The following MAP1A variants were observed in gnomAD, a reference collection of about 807,000 sequenced individuals.
MAP1A encodes microtubule associated protein 1A.
A neutral mutation model predicts 185.9 loss-of-function variants in MAP1A; 42 were observed. The ratio of observed to expected loss-of-function variants is 0.23; its 90% CI spans 0.18 to 0.29. The LOEUF (loss-of-function observed/expected upper bound fraction) is 0.29, where lower values mean the gene tolerates loss of function less well. MAP1A is among the 10% of genes least tolerant of loss of function. The probability of loss-of-function intolerance (pLI) is 1.00; values close to 1 mark genes in which losing one functional copy is unlikely to be tolerated. For synonymous variants in MAP1A, 1,229 were observed against 1,335.9 expected, an observed-to-expected ratio of 0.92 and a Z score of 1.74; for missense variants, 2,995 against 3,450.4, an observed-to-expected ratio of 0.87 and a Z score of 3.31.
rs1274924439 is a variant in MAP1A, at chr15:43,529,206, G to A, written c.7733G>A (p.Cys2578Tyr). The change falls in exon 4 of 6, where the codon TGC becomes TAC. Residue 2578 changes from cysteine (C) to tyrosine (Y), a missense_variant. Around this residue, in one of 3 missense-constraint regions of MAP1A, gnomAD observed 2,728 missense variants for 2,986.0 expected, o/e 0.91. Coordinates refer to ENST00000300231, the MANE Select transcript of MAP1A (RefSeq NM_002373.6). The surrounding 1 kb of genome is among the most constrained non-coding windows in gnomAD (Gnocchi z 4.3). The stretch of plus-strand genomic sequence containing the variant: ...CCATCCCCTCCCCGCCCTGATGTGT[G>A]CATGGCTGACCCCGAGGGGCTCAGC... Reference protein sequence around the residue: ...PRPSPPRPDVCMADPEGLSSE... With the variant: ...PRPSPPRPDVYMADPEGLSSE... 3 of 1,608,372 alleles carry A rather than the reference G, an allele frequency of 1.9e-6. No individual in the cohort carries two copies. In the East Asian group the frequency reaches 6.7e-5, roughly 36 times the overall value.
chr15:43,527,003 C>A lies in MAP1A; in HGVS notation c.5530C>A (p.Pro1844Thr). The A allele has an allele frequency of 6.2e-7, 1 of 1,611,820 alleles. No homozygotes were observed. Among genetic ancestry groups the A allele is most frequent in the Non-Finnish European group, 8.5e-7 (1 of 1,178,846 alleles). ...TTPSWLADIP[P>T]WVPKDRPLPP... Reference sequence around the variant, plus strand: ...TCCCTCATGGCTGGCTGACATCCCACCCTGGGTGCCCAAGGACAGACCCCT... The same window carrying A: ...TCCCTCATGGCTGGCTGACATCCCAACCTGGGTGCCCAAGGACAGACCCCT... The change falls in exon 4 of 6, where the codon CCC (proline) becomes ACC (threonine). Residue 1844 changes from proline to threonine, a missense_variant. Transcript: ENST00000300231.
upstream of MAP1A, chr15:43,510,956 A>T: frequency 7.0e-7 from 1 of 1,438,692 alleles, no homozygotes; most frequent in Non-Finnish European, 9.4e-7. Flanking sequence ...CCTGCAGCGG[A>T]AGCTGCCGGA....
rs759664046 is a variant in MAP1A, at chr15:43,528,175, A to G, written c.6702A>G (p.Pro2234=). ...PSLDSSLPQL[P]SPSSPGAPLL... is the part of the protein sequence containing the mutation. ...TGGATTCCTCACTGCCCCAGCTCCC[A>G]TCACCCAGTTCTCCTGGGGCCCCTC... Residue 2234 remains proline, a synonymous_variant, in exon 4 of 6, where the codon CCA becomes CCG. Transcript: ENST00000300231. The G allele has an allele frequency of 1.1e-5, 18 of 1,613,736 alleles. No individual in the cohort carries two copies. The highest frequency in any genetic ancestry group is 1.5e-5 in the Non-Finnish European group (18 of 1,179,954).
At chr15:43,517,925 C>T (rs2079304313) in intron 1 of MAP1A, among the ~76,000 whole-genome samples, 1 of 152,192 alleles carries the variant, frequency 6.6e-6, no homozygotes, top group South Asian at 2.1e-4. Context: ...TCCACCTCTC[C>T]AGCTGGGCGG....
intron 1 of MAP1A, among the ~76,000 whole-genome samples, chr15:43,518,997 GT>G (rs2140203473): frequency 6.6e-6 from 1 of 152,286 alleles, no homozygotes; most frequent in South Asian, 2.1e-4. Context: ...GTGAGGAATG[GT>G]TGGGGGCAGG....
Position 43,529,881 on chromosome 15 carries a change from A to G in MAP1A, c.8256+11A>G, listed in dbSNP as rs1595651988. 1.2e-6 allele frequency: 2 copies of G among 1,610,868 alleles called. No homozygotes were observed. Among genetic ancestry groups the G allele is most frequent in the Non-Finnish European group, 1.7e-6 (2 of 1,178,892 alleles). On this transcript the variant is annotated intron_variant, in intron 5 of 5. Transcript: ENST00000300231. This position sits in a 1 kb window ranked among gnomAD's most constrained non-coding sequence, Gnocchi z 4.3. The stretch of plus-strand genomic sequence containing the variant: ...GGGGAGAATCTTCAGGTGAGTAGCA[A>G]AGGACACCAAGGAAGTAGTCTGGTC...
chr15:43,528,634 C>G lies in MAP1A; in HGVS notation c.7161C>G (p.Ala2387=), dbSNP rs1410342995. The part of the protein sequence containing the change: ...AENEEAAACP[A]WERGAWPEGA... ...ATGAAGAGGCTGCGGCTTGCCCTGC[C>G]TGGGAACGTGGGGCCTGGCCTGAAG... Residue 2387 remains alanine (A), a synonymous_variant, in exon 4 of 6, where the codon GCC becomes GCG. Transcript: ENST00000300231. 1.2e-6 allele frequency: 2 copies of G among 1,613,306 alleles called. No individual in the cohort carries two copies. The highest frequency in any genetic ancestry group is 2.7e-5 in the African/African-American group (2 of 74,952).
rs1381689564 is a variant in MAP1A at position 43,527,792 on chromosome 15, G to A, written c.6319G>A (p.Asp2107Asn). The change falls in exon 4 of 6, where the codon GAC (aspartate) becomes AAC (asparagine). Residue 2107 changes from aspartate to asparagine, a missense_variant. Asp to Asn is a conservative substitution (Grantham distance 23). This residue lies in a region of MAP1A where 2,728 missense variants were observed against 2,986.0 expected (regional missense o/e 0.91). Transcript: ENST00000300231. ...GRSHWDDSTS[D>N]SELEKGAREQ... is the part of the protein sequence containing the mutation. ...GAGTCACTGGGATGACAGCACTAGTGACTCAGAACTGGAGAAGGGGGCTCG... is the reference window on the plus strand; with the variant it reads ...GAGTCACTGGGATGACAGCACTAGTAACTCAGAACTGGAGAAGGGGGCTCG... 1 of 1,613,782 alleles carries A rather than the reference G, an allele frequency of 6.2e-7. No individual in the cohort carries two copies. Among genetic ancestry groups the A allele is most frequent in the Admixed American group, 1.7e-5 (1 of 59,976 alleles).
chr15:43,526,845 C>G lies in MAP1A; in HGVS notation c.5372C>G (p.Ser1791Cys). 6.2e-7 allele frequency: 1 copy of G among 1,614,168 alleles called. No homozygotes were observed. The highest frequency in any genetic ancestry group is 1.7e-5 in the Admixed American group (1 of 60,020). ...GAGGAAGAGGACAAACTGACCCGCTCTCCCTTTGAGATCATCTCCCCTCCA... is the reference window on the plus strand; with the variant it reads ...GAGGAAGAGGACAAACTGACCCGCTGTCCCTTTGAGATCATCTCCCCTCCA... Reference protein sequence around the residue: ...PPEEEDKLTRSPFEIISPPAS... With the variant: ...PPEEEDKLTRCPFEIISPPAS... Residue 1791 changes from serine to cysteine, a missense_variant, in exon 4 of 6, where the codon TCT becomes TGT. Physicochemically the swap from Ser to Cys is moderately radical, Grantham distance 112 (BLOSUM62 -1). Transcript: ENST00000300231. The surrounding 1 kb of genome is among the most constrained non-coding windows in gnomAD (Gnocchi z 4.7).
At position 43,526,496 on chromosome 15, in the gene MAP1A, TCTC is replaced by T. The variant is rs1173106256; in HGVS notation, c.5026_5028del (p.Pro1676del). 4 of 1,613,800 alleles carry T rather than the reference TCTC, an allele frequency of 2.5e-6. No individual in the cohort carries two copies. The highest frequency in any genetic ancestry group is 2.5e-6 in the Non-Finnish European group (3 of 1,179,982). On this transcript the variant is annotated inframe_deletion, in exon 4 of 6. Transcript: ENST00000300231. The surrounding 1 kb of genome is among the most constrained non-coding windows in gnomAD (Gnocchi z 4.7). ...GCTTGCCCCGGCATGGGAGGACACA[TCTC>T]CTGAGCAGGACAATAGGTATTGGAG...
chr15:43,513,961 G>T (rs2079290414), upstream of MAP1A, among the ~76,000 whole-genome samples: 1 of 152,228 alleles, frequency 6.6e-6, no homozygotes. Flanking sequence ...TGGCTACAGA[G>T]ACTTGAGAGT....
At position 43,528,071 on chromosome 15, in the gene MAP1A, C is replaced by A; in HGVS notation, c.6598C>A (p.Arg2200=). 2 of 1,613,966 alleles carry A rather than the reference C, an allele frequency of 1.2e-6. No individual in the cohort carries two copies. Among genetic ancestry groups the A allele is most frequent in the Non-Finnish European group, 1.7e-6 (2 of 1,180,020 alleles). Residue 2200 remains arginine (R), a synonymous_variant, in exon 4 of 6, where the codon CGA becomes AGA. Transcript: ENST00000300231. ...PCGSLAFSGD[R]ALALAPGPPT... is the part of the protein sequence containing the mutation. Reference sequence around the variant, plus strand: ...TGGCTCCCTTGCCTTCTCTGGGGATCGAGCTCTGGCTCTGGCTCCAGGACC... The same window carrying A: ...TGGCTCCCTTGCCTTCTCTGGGGATAGAGCTCTGGCTCTGGCTCCAGGACC...
At chr15:43,512,383 A>C in intron 2 of MAP1A, 1 of 870,958 alleles carries the variant, frequency 1.1e-6, no homozygotes. Context: ...GGGAGGTTTG[A>C]GTGGAGGAGA....
chr15:43,512,120 G>T, intron 1 of MAP1A: 1 of 831,160 alleles, frequency 1.2e-6, no homozygotes, highest in East Asian at 2.7e-5. Context: ...GAACTTGAAA[G>T]TGTTCCTGCA....
In MAP1A at chr15:43,521,587, T is replaced by G. The variant is rs1566976975; in HGVS notation, c.114T>G (p.Pro38=). ...TSGGFLKLSK[P]CCYIFPGGRG... ...GGGGCTTCCTCAAGCTCTCCAAGCC[T>G]TGTTGCTACATCTTCCCAGGTGGTC... is the stretch of plus-strand genomic sequence containing the variant. Residue 38 remains proline (P), a synonymous_variant, in exon 4 of 6, where the codon CCT becomes CCG. Transcript: ENST00000300231. The surrounding 1 kb of genome is among the most constrained non-coding windows in gnomAD (Gnocchi z 4.6). The G allele has an allele frequency of 2.5e-6, 4 of 1,614,164 alleles. No individual in the cohort carries two copies. The highest frequency in any genetic ancestry group is 3.4e-6 in the Non-Finnish European group (4 of 1,180,038).
In MAP1A at chr15:43,520,985, T is replaced by C; in HGVS notation, c.-278T>C. On this transcript the variant is annotated 5_prime_UTR_variant, in exon 3 of 6. Transcript: ENST00000300231. ...CTTCCATTCCAGGTTCATCATCTTC[T>C]TAGCAGCTCATCAGCTTATAAACTA... The C allele has an allele frequency of 1.3e-6, 2 of 1,550,262 alleles. No homozygotes were observed. Among genetic ancestry groups the C allele is most frequent in the East Asian group, 2.4e-5 (1 of 40,926 alleles).
In MAP1A at chr15:43,525,652, T is replaced by A. The variant is rs1167759340; in HGVS notation, c.4179T>A (p.Ala1393=). ...CAGCCATCTATCAGAAAGATGAGGC[T>A]CTGCATGTAAAGAATGAGGCTGTGA... ...KDTAIYQKDE[A]LHVKNEAVKQ... The change falls in exon 4 of 6, where the codon GCT becomes GCA. Residue 1393 remains alanine, a synonymous_variant. Coordinates refer to ENST00000300231, the MANE Select transcript of MAP1A (RefSeq NM_002373.6). 1 of 1,614,080 alleles carries A rather than the reference T, an allele frequency of 6.2e-7. No homozygotes were observed. Among genetic ancestry groups the A allele is most frequent in the Admixed American group, 1.7e-5 (1 of 59,974 alleles).
At position 43,521,479 on chromosome 15, in the gene MAP1A, C is replaced by T. The variant is rs367853698; in HGVS notation, c.6C>T (p.Asp2=). 2.8e-5 allele frequency: 46 copies of T among 1,614,054 alleles called. No homozygotes were observed. Among genetic ancestry groups the T allele is most frequent in the Non-Finnish European group, 3.4e-5 (40 of 1,180,042 alleles). The change falls in exon 4 of 6, where the codon GAC becomes GAT. Residue 2 remains aspartate, a synonymous_variant. Coordinates refer to ENST00000300231, the MANE Select transcript of MAP1A (RefSeq NM_002373.6). The surrounding 1 kb of genome is among the most constrained non-coding windows in gnomAD (Gnocchi z 4.6). M[D]GVAEFSEYVS... is the part of the protein sequence containing the mutation. Reference sequence around the variant, plus strand: ...CTGAGCCCACTCTGCCCACCATGGACGGCGTGGCTGAGTTCTCCGAGTATG... The same window carrying T: ...CTGAGCCCACTCTGCCCACCATGGATGGCGTGGCTGAGTTCTCCGAGTATG...
Position 43,527,085 on chromosome 15 carries a change from A to C in MAP1A, c.5612A>C (p.His1871Pro). The C allele has an allele frequency of 6.4e-7, 1 of 1,565,598 alleles. No homozygotes were observed. Among genetic ancestry groups the C allele is most frequent in the Non-Finnish European group, 8.7e-7 (1 of 1,155,050 alleles). ...CCCCCCACACCTGCCCCGGAATCCCATACTCCTGCACCCTTCTCTTGGGGC... is the reference window on the plus strand; with the variant it reads ...CCCCCCACACCTGCCCCGGAATCCCCTACTCCTGCACCCTTCTCTTGGGGC... ...PGPPTPAPES[H>P]TPAPFSWGTA... The change falls in exon 4 of 6, where the codon CAT becomes CCT. Residue 1871 changes from histidine to proline, a missense_variant. Physicochemically the swap from His to Pro is moderately conservative, Grantham distance 77 (BLOSUM62 -2). Coordinates refer to ENST00000300231, the MANE Select transcript of MAP1A (RefSeq NM_002373.6).
Sources: gnomAD v4.1 joint callset for allele counts (sites outside exome capture counted in the v4.1 genomes callset) on GRCh38, gnomAD v4.1.1 for gene constraint, gnomAD v4.1.1 regional missense constraint, Gnocchi (gnomAD v3.1) non-coding constraint, MANE v1.5 for transcripts, NCBI Gene and HGNC (gene_info 2026-07-23, HGNC 2026-07-21) for gene names.